Variants in PDE4D observed in about 807,000 individuals in gnomAD.
PDE4D encodes the protein 3',5'-cyclic-AMP phosphodiesterase 4D.
PDE4D carries 24 observed loss-of-function variants against 87.4 expected under a neutral mutation model. The ratio of observed to expected loss-of-function variants is 0.27; its 90% CI spans 0.20 to 0.39. The LOEUF (loss-of-function observed/expected upper bound fraction) is 0.39, where lower values mean the gene tolerates loss of function less well. Among genes scored for constraint, PDE4D ranks in the 10% least tolerant of loss-of-function variants. The probability of loss-of-function intolerance (pLI) is 1.00; values close to 1 mark genes in which losing one functional copy is unlikely to be tolerated. For synonymous variants in PDE4D, 384 were observed against 383.2 expected, an observed-to-expected ratio of 1.00 and a Z score of -0.02; for missense variants, 714 against 1,041.0, an observed-to-expected ratio of 0.69 and a Z score of 4.32.
At chr5:59,180,394 A>G in intron 5 of PDE4D, 1 of 711,970 alleles carries the variant, frequency 1.4e-6, no homozygotes, top group Non-Finnish European at 2.6e-6. Context: ...ACATCAGTAA[A>G]AAACGTAAAT....
At chr5:59,680,751 C>T (rs779829558) in intron 1 of PDE4D, among the ~76,000 whole-genome samples, 6 of 151,990 alleles carry the variant, frequency 3.9e-5, no homozygotes, top group South Asian at 4.2e-4. Context: ...AAACCACATT[C>T]CACAGGTAAG....
intron 5 of PDE4D, among the ~76,000 whole-genome samples, chr5:59,177,158 G>A (rs756135959): frequency 2.0e-5 from 3 of 152,112 alleles, no homozygotes; most frequent in Non-Finnish European, 2.9e-5. Context: ...TGATTAGGTC[G>A]TGAGGGTGGA....
intron 1 of PDE4D, among the ~76,000 whole-genome samples, chr5:60,375,911 C>A (rs372146423): frequency 6.6e-6 from 1 of 152,034 alleles, no homozygotes; most frequent in Non-Finnish European, 1.5e-5. Context: ...TGGTGGTACG[C>A]GCCTGTAGTC....
At chr5:59,198,295 T>C (rs1365870348) in intron 2 of PDE4D, among the ~76,000 whole-genome samples, 1 of 151,642 alleles carries the variant, frequency 6.6e-6, no homozygotes, top group Admixed American at 6.6e-5. Flanking sequence ...AAAAGTCATT[T>C]TGACACTGCG....
chr5:60,207,724 A>C (rs561177594), intron 1 of PDE4D, among the ~76,000 whole-genome samples: 2 of 152,374 alleles, frequency 1.3e-5, no homozygotes, highest in African/African-American at 4.8e-5. Flanking sequence ...GATGAGGTAT[A>C]AATGAGATTC....
At chr5:60,212,046 G>C (rs10064516) in intron 1 of PDE4D, among the ~76,000 whole-genome samples, 58,992 of 151,994 alleles carry the variant, frequency 0.39, 11,731 homozygotes, top group Admixed American at 0.46. Context: ...ACTTGCAAAA[G>C]GAAGATATCG....
In PDE4D at chr5:59,671,597, C is replaced by T. The variant is rs373166298; in HGVS notation, c.455+221571G>A. On this transcript the variant is annotated intron_variant, in intron 1 of 14. Transcript: ENST00000340635. ...TGGAGGCAGAAGGACTACTTGAGCC[C>T]AAGAATTCAAGACCAGCCTGGGTAA... Among the ~76,000 whole-genome samples the T allele has an allele frequency of 5.3e-5, 8 of 152,048 alleles. No individual in the cohort carries two copies. In the East Asian group the frequency reaches 5.8e-4, roughly 11 times the overall value.
At chr5:59,357,422 C>A (rs1471272122) in intron 1 of PDE4D, among the ~76,000 whole-genome samples, 1 of 152,138 alleles carries the variant, frequency 6.6e-6, no homozygotes, top group African/African-American at 2.4e-5. Context: ...TAATTCTTAG[C>A]CAACCTTCCA....
At chr5:60,005,468 C>CCACA (rs147174384) in intron 2 of PDE4D, among the ~76,000 whole-genome samples, 1 of 150,554 alleles carries the variant, frequency 6.6e-6, no homozygotes, top group African/African-American at 2.4e-5. Context: ...TTAATCCTTA[C>CCACA]CACACACACA....
At chr5:60,375,768 T>C (rs1055828254) in intron 1 of PDE4D, among the ~76,000 whole-genome samples, 4 of 152,140 alleles carry the variant, frequency 2.6e-5, no homozygotes, top group Admixed American at 1.3e-4. Flanking sequence ...CAGCTGGGCA[T>C]GGTGGCTCAT....
intron 1 of PDE4D, among the ~76,000 whole-genome samples, chr5:60,337,137 T>A (rs1392301661): frequency 7.1e-6 from 1 of 141,368 alleles, no homozygotes; most frequent in East Asian, 2.1e-4. Flanking sequence ...CTGGCCGACA[T>A]GGTGAACCCT....
At chr5:60,017,546 T>C (rs1276012978) in intron 2 of PDE4D, among the ~76,000 whole-genome samples, 1 of 152,080 alleles carries the variant, frequency 6.6e-6, no homozygotes, top group Non-Finnish European at 1.5e-5. Flanking sequence ...GAACATGTGG[T>C]GTTTCGTTTT....
chr5:59,613,173 G>T (rs1236516172), intron 1 of PDE4D, among the ~76,000 whole-genome samples: 1 of 152,114 alleles, frequency 6.6e-6, no homozygotes, highest in Non-Finnish European at 1.5e-5. Context: ...CAAATTCTGG[G>T]TTATATTTTG....
At chr5:60,166,346 A>G (rs537105790) in intron 2 of PDE4D, among the ~76,000 whole-genome samples, 173 of 152,188 alleles carry the variant, frequency 1.1e-3, no homozygotes, top group Non-Finnish European at 1.7e-3. Flanking sequence ...CTTATAAAAG[A>G]CACTTTTACT....
chr5:60,207,801 A>G (rs969039775), intron 1 of PDE4D, among the ~76,000 whole-genome samples: 2 of 152,220 alleles, frequency 1.3e-5, no homozygotes, highest in Non-Finnish European at 2.9e-5. Flanking sequence ...TTTAGTATTG[A>G]ATCAATCAAT....
chr5:60,238,289 T>C (rs79881850), intron 1 of PDE4D, among the ~76,000 whole-genome samples: 2,125 of 152,126 alleles, frequency 0.014, 25 homozygotes, highest in Middle Eastern at 0.034. Context: ...ATCCCAGTTT[T>C]TATTTGTACT....
chr5:59,658,093 T>G (rs1457160988), intron 1 of PDE4D, among the ~76,000 whole-genome samples: 1 of 151,844 alleles, frequency 6.6e-6, no homozygotes, highest in Non-Finnish European at 1.5e-5. Context: ...GCATATTAAG[T>G]AGAAAGCAAC....
chr5:59,507,825 G>A (rs1809560767), intron 1 of PDE4D, among the ~76,000 whole-genome samples: 1 of 151,898 alleles, frequency 6.6e-6, no homozygotes, highest in South Asian at 2.1e-4. Flanking sequence ...TGGGGTGGGG[G>A]CAGAATCTGA....
At chr5:59,376,782 C>G (rs891575297) in intron 1 of PDE4D, among the ~76,000 whole-genome samples, 2 of 152,140 alleles carry the variant, frequency 1.3e-5, no homozygotes, top group Non-Finnish European at 2.9e-5. Context: ...CAACTTCAAA[C>G]TATACTACAG....
Sources: allele counts gnomAD v4.1 joint callset (sites outside exome capture counted in the v4.1 genomes callset), GRCh38; gene constraint gnomAD v4.1.1; transcripts MANE v1.5; gene names NCBI Gene and HGNC (gene_info 2026-07-23, HGNC 2026-07-21).